PEBP4: variants seen among roughly 807,000 people sequenced by gnomAD.
The protein encoded by PEBP4 is phosphatidylethanolamine-binding protein 4.
PEBP4 carries 22 observed loss-of-function variants against 23.9 expected under a neutral mutation model. The observed-to-expected ratio is 0.92, with a 90% CI of 0.66 to 1.31. The LOEUF (loss-of-function observed/expected upper bound fraction) is 1.31, where lower values mean the gene tolerates loss of function less well. PEBP4 is among the 40% of genes most tolerant of loss of function. The probability of loss-of-function intolerance (pLI) is 0.00; values close to 1 mark genes in which losing one functional copy is unlikely to be tolerated. For synonymous variants in PEBP4, 112 were observed against 99.3 expected (o/e 1.13, Z -0.76); for missense variants, 324 against 281.7 (o/e 1.15, Z -1.07).
chr8:22,802,335 G>A (rs1275482079), intron 4 of PEBP4, among the ~76,000 whole-genome samples: 2 of 151,364 alleles, frequency 1.3e-5, no homozygotes, highest in Non-Finnish European at 2.9e-5. Context: ...CCCGTGCCAA[G>A]CCTGTCTCTC....
intron 4 of PEBP4, among the ~76,000 whole-genome samples, chr8:22,737,912 C>T (rs1424798038): frequency 6.6e-6 from 1 of 151,898 alleles, no homozygotes; most frequent in Non-Finnish European, 1.5e-5. Context: ...GAGCTCCCGG[C>T]GGGACCCTGG....
At chr8:22,765,112 T>TTC in intron 4 of PEBP4, among the ~76,000 whole-genome samples, 4 of 101,762 alleles carry the variant, frequency 3.9e-5, no homozygotes, top group African/African-American at 1.1e-4. Context: ...TTCCTTCCTT[T>TTC]ATTTCTTCCT....
At chr8:22,849,206 T>A (rs1175087625) in intron 3 of PEBP4, among the ~76,000 whole-genome samples, 2 of 151,810 alleles carry the variant, frequency 1.3e-5, no homozygotes, top group Non-Finnish European at 2.9e-5. Context: ...TTAAACTTAT[T>A]CATCCTTTAG....
chr8:22,785,698 C>G (rs1354887026), intron 4 of PEBP4, among the ~76,000 whole-genome samples: 1 of 152,134 alleles, frequency 6.6e-6, no homozygotes, highest in Non-Finnish European at 1.5e-5. Flanking sequence ...AGCCTGAGTC[C>G]TCATTCAAAA....
At chr8:22,757,177 G>A (rs971436991) in intron 4 of PEBP4, 2 of 152,214 alleles carry the variant, frequency 1.3e-5, no homozygotes, top group African/African-American at 4.8e-5. Context: ...CCAAACTGTG[G>A]TTGGGATTAT....
chr8:22,896,444 G>T (rs985934143), intron 3 of PEBP4, among the ~76,000 whole-genome samples: 1 of 152,100 alleles, frequency 6.6e-6, no homozygotes, highest in African/African-American at 2.4e-5. Context: ...CCTCATCCCA[G>T]TGATGGGGTT....
At chr8:22,724,162 C>T (rs887575549) in intron 6 of PEBP4, among the ~76,000 whole-genome samples, 6 of 152,090 alleles carry the variant, frequency 3.9e-5, no homozygotes, top group Non-Finnish European at 5.9e-5. Context: ...GTGGGGGAGT[C>T]GGGGGCATGG....
At chr8:22,860,209 C>CATATATATGTATATATATATATACACAT (rs200272561) in intron 3 of PEBP4, among the ~76,000 whole-genome samples, 2 of 106,202 alleles carry the variant, frequency 1.9e-5, no homozygotes, top group Admixed American at 8.9e-5. Flanking sequence ...TATATATACA[C>CATATATATGTATATATATATATACACAT]ATATATGTAT....
Position 22,794,866 on chromosome 8 carries a change from T to C in PEBP4, c.357+22771A>G, listed in dbSNP as rs184080350. 2.0e-5 allele frequency among the ~76,000 whole-genome samples: 3 copies of C among 152,212 alleles called. No individual in the cohort carries two copies. In the East Asian group the frequency reaches 5.8e-4, roughly 29 times the overall value. Reference sequence around the variant, plus strand: ...TTCTATTATGGTTTAACTTTAAACATTTAAATAGCTAATCCATTTACTTAC... The same window carrying C: ...TTCTATTATGGTTTAACTTTAAACACTTAAATAGCTAATCCATTTACTTAC... On this transcript the variant is annotated intron_variant, in intron 4 of 6. Coordinates refer to ENST00000256404, the MANE Select transcript of PEBP4 (RefSeq NM_144962.3).
chr8:22,868,972 A>G (rs1311768346), intron 3 of PEBP4, among the ~76,000 whole-genome samples: 1 of 152,168 alleles, frequency 6.6e-6, no homozygotes, highest in African/African-American at 2.4e-5. Context: ...AAAAGCCACC[A>G]GACCCTACAG....
intron 3 of PEBP4, among the ~76,000 whole-genome samples, chr8:22,890,146 C>A (rs1808463798): frequency 6.6e-6 from 1 of 152,244 alleles, no homozygotes; most frequent in South Asian, 2.1e-4. Flanking sequence ...TAGCTTCCTC[C>A]CCTGGGGACT....
intron 4 of PEBP4, among the ~76,000 whole-genome samples, chr8:22,760,606 G>T (rs572892492): frequency 6.6e-6 from 1 of 152,166 alleles, no homozygotes; most frequent in East Asian, 1.9e-4. Context: ...TGTGTGTGTG[G>T]TGGGTGCAGG....
intron 4 of PEBP4, among the ~76,000 whole-genome samples, chr8:22,774,106 GA>G (rs1805769447): frequency 6.6e-6 from 1 of 152,196 alleles, no homozygotes; most frequent in Non-Finnish European, 1.5e-5. Flanking sequence ...CAGGATGGAG[GA>G]AAGTGCTCTG....
intron 4 of PEBP4, among the ~76,000 whole-genome samples, chr8:22,796,954 TA>T (rs200145645): frequency 0.047 from 6,737 of 142,554 alleles, 461 homozygotes; most frequent in African/African-American, 0.16. Context: ...AAATAAAAAT[TA>T]AAAAAAAAAA....
At chr8:22,924,366 A>T (rs1459785542) in intron 2 of PEBP4, among the ~76,000 whole-genome samples, 2 of 152,152 alleles carry the variant, frequency 1.3e-5, no homozygotes, top group Non-Finnish European at 2.9e-5. Context: ...CTGTCTCTAA[A>T]AGAAATGTAT....
intron 4 of PEBP4, among the ~76,000 whole-genome samples, chr8:22,747,765 C>T (rs1237356559): frequency 6.6e-6 from 1 of 152,262 alleles, no homozygotes; most frequent in Non-Finnish European, 1.5e-5. Context: ...TGCCCGCTGC[C>T]TGGCCCTGGC....
At chr8:22,918,082 T>G (rs1809116407) in intron 3 of PEBP4, among the ~76,000 whole-genome samples, 2 of 152,172 alleles carry the variant, frequency 1.3e-5, no homozygotes. Flanking sequence ...TCACATGCCA[T>G]TAATAGTCTT....
intron 4 of PEBP4, among the ~76,000 whole-genome samples, chr8:22,790,384 C>T (rs1311576722): frequency 2.0e-5 from 3 of 152,108 alleles, no homozygotes; most frequent in Admixed American, 6.5e-5. Flanking sequence ...CAAGGGATGA[C>T]GAGGGCCCTG....
At chr8:22,722,944 T>TC (rs1181313270) in intron 6 of PEBP4, among the ~76,000 whole-genome samples, 1 of 151,608 alleles carries the variant, frequency 6.6e-6, no homozygotes, top group African/African-American at 2.4e-5. Context: ...GGCTAATTTT[T>TC]TTTTTTTTTT....
Sources: allele counts gnomAD v4.1 joint callset (sites outside exome capture counted in the v4.1 genomes callset), GRCh38; gene constraint gnomAD v4.1.1; transcripts MANE v1.5; gene names NCBI Gene and HGNC (gene_info 2026-07-23, HGNC 2026-07-21).